CLEC16A: variants seen among roughly 807,000 people sequenced by gnomAD.
The protein encoded by CLEC16A is C-type lectin domain containing 16A.
In CLEC16A, 51 loss-of-function variants were observed where a neutral mutation model predicts 109.5. The observed-to-expected ratio is 0.47, with a 90% confidence interval of 0.37 to 0.59. The LOEUF (loss-of-function observed/expected upper bound fraction) is 0.59. Ranked by LOEUF, CLEC16A falls within the 20% of genes least tolerant of loss-of-function variation. CLEC16A has a pLI of 0.00. For synonymous variants in CLEC16A, 673 were observed against 564.2 expected (o/e 1.19, Z -2.73); for missense variants, 1,339 against 1,394.0 (o/e 0.96, Z 0.63).
intron 7 of CLEC16A, among the ~76,000 whole-genome samples, chr16:10,976,702 G>GC (rs958117767): frequency 4.6e-5 from 7 of 152,138 alleles, no homozygotes; most frequent in African/African-American, 1.7e-4. Flanking sequence ...TTACCCCCTG[G>GC]CCCCCCATCC....
Position 11,078,432 on chromosome 16 carries a change from T to C in CLEC16A, c.2116+17410T>C, listed in dbSNP as rs528505950. ...CTTTGCTGCTTTCCATGAATTCTAG[T>C]TCCCTCTAGGAACTCTCCTTGCCCA... On this transcript the variant is annotated intron_variant, in intron 19 of 23. Transcript: ENST00000409790. 2.0e-5 allele frequency among the ~76,000 whole-genome samples: 3 copies of C among 152,318 alleles called. No homozygotes were observed. The South Asian group carries it at 6.2e-4, about 32-fold the overall frequency.
intron 10 of CLEC16A, among the ~76,000 whole-genome samples, chr16:10,993,853 C>A (rs1285349513): frequency 6.6e-6 from 1 of 152,184 alleles, no homozygotes; most frequent in Non-Finnish European, 1.5e-5. Flanking sequence ...GATTGAATGC[C>A]AGAGACAGTG....
At chr16:10,987,102 C>T (rs189572893) in intron 10 of CLEC16A, among the ~76,000 whole-genome samples, 138 of 151,956 alleles carry the variant, frequency 9.1e-4, no homozygotes, top group African/African-American at 2.8e-3. Context: ...GTGATCTGCC[C>T]GTCTTAGCCT....
chr16:10,952,091 G>A (rs1363521644), intron 1 of CLEC16A, among the ~76,000 whole-genome samples: 8 of 152,210 alleles, frequency 5.3e-5, no homozygotes, highest in Admixed American at 5.2e-4. Flanking sequence ...GAAATAGATT[G>A]CAACTCCAGC....
Position 11,093,328 on chromosome 16 carries a change from C to T in CLEC16A, c.2117-27287C>T, listed in dbSNP as rs995738974. Among the ~76,000 whole-genome samples the T allele has an allele frequency of 3.9e-5, 6 of 152,186 alleles. No homozygotes were observed. The East Asian group carries it at 5.8e-4, about 15-fold the overall frequency. On this transcript the variant is annotated intron_variant, in intron 19 of 23. Coordinates refer to ENST00000409790, the MANE Select transcript of CLEC16A (RefSeq NM_015226.3). The stretch of plus-strand genomic sequence containing the variant: ...CAAAGCCACTTTTCCTCAGCCAGTG[C>T]GGTTACCGTGGCCATACTCGTCCCA...
intron 13 of CLEC16A, among the ~76,000 whole-genome samples, chr16:11,029,833 C>G (rs1403810441): frequency 6.6e-6 from 1 of 152,186 alleles, no homozygotes; most frequent in Non-Finnish European, 1.5e-5. Context: ...TCACCATGAT[C>G]AAGGCAGTGT....
chr16:10,972,596 C>G, intron 6 of CLEC16A, 37 bp downstream of exon 6: 2 of 1,572,060 alleles, frequency 1.3e-6, no homozygotes, highest in East Asian at 2.2e-5. Context: ...CTTTCTTAAT[C>G]TACCCTTATA....
In CLEC16A at chr16:10,954,882, GTAA is replaced by G. The variant is rs1417989266; in HGVS notation, c.81-2895_81-2893del. Among the ~76,000 whole-genome samples, 1 of 152,170 alleles carries G rather than the reference GTAA, an allele frequency of 6.6e-6. No individual in the cohort carries two copies. The highest frequency in any genetic ancestry group is 1.5e-5 in the Non-Finnish European group (1 of 68,042). ...CCTGGAATATTCCTTAGATAATGTA[GTAA>G]TAATGTGAATAACGGCCCCCACCAC... On this transcript the variant is annotated intron_variant, in intron 1 of 23. Transcript: ENST00000409790. The surrounding 1 kb of genome is among the most constrained non-coding windows in gnomAD (Gnocchi z 4.2).
intron 18 of CLEC16A, among the ~76,000 whole-genome samples, chr16:11,060,128 A>T (rs1235570251): frequency 1.3e-5 from 2 of 152,174 alleles, no homozygotes. Flanking sequence ...GTGGCCACAC[A>T]ATTCTGACCA....
chr16:11,047,435 G>C (rs1315586048), intron 17 of CLEC16A, 93 bp downstream of exon 17: 1 of 937,444 alleles, frequency 1.1e-6, no homozygotes, highest in Non-Finnish European at 1.5e-6. Context: ...TTTTGACTTA[G>C]GGCTTTGTGA....
intron 19 of CLEC16A, among the ~76,000 whole-genome samples, chr16:11,100,694 G>A (rs1236387925): frequency 6.6e-6 from 1 of 152,130 alleles, no homozygotes; most frequent in Non-Finnish European, 1.5e-5. Flanking sequence ...GCAGATAATG[G>A]TACTGCCTGG....
At chr16:10,950,351 C>T (rs552109723) in intron 1 of CLEC16A, among the ~76,000 whole-genome samples, 1 of 152,170 alleles carries the variant, frequency 6.6e-6, no homozygotes, top group Non-Finnish European at 1.5e-5. Flanking sequence ...ACAGGATGAA[C>T]GAGAGGCAGA....
intron 11 of CLEC16A, 77 bp from the exon 12 acceptor site, chr16:11,020,116 C>G (rs1052089557): frequency 4.0e-6 from 6 of 1,489,196 alleles, no homozygotes; most frequent in Admixed American, 2.2e-5. Flanking sequence ...CATATTTATT[C>G]TCCAACATGA....
chr16:10,974,396 T>A (rs1006404585), intron 7 of CLEC16A, among the ~76,000 whole-genome samples: 5 of 152,210 alleles, frequency 3.3e-5, no homozygotes, highest in African/African-American at 1.2e-4. Flanking sequence ...AAAGGGATGA[T>A]TAGAAGTTCC....
At chr16:11,077,043 T>C (rs1302985572) in intron 19 of CLEC16A, among the ~76,000 whole-genome samples, 1 of 152,208 alleles carries the variant, frequency 6.6e-6, no homozygotes, top group Non-Finnish European at 1.5e-5. Flanking sequence ...CATTAGAATC[T>C]ATTTAAAAAC....
At chr16:11,082,483 T>G (rs1206814369) in intron 19 of CLEC16A, among the ~76,000 whole-genome samples, 1 of 152,166 alleles carries the variant, frequency 6.6e-6, no homozygotes, top group Non-Finnish European at 1.5e-5. Flanking sequence ...AGGAACTCTT[T>G]TGGGTTAAAA....
intron 10 of CLEC16A, among the ~76,000 whole-genome samples, chr16:10,983,944 T>C (rs978160572): frequency 2.7e-5 from 4 of 146,632 alleles, no homozygotes; most frequent in African/African-American, 1.0e-4. Flanking sequence ...ATCTCACTTA[T>C]GCGGAGCCCA....
chr16:11,019,960 G>T (rs1222147937), intron 11 of CLEC16A, among the ~76,000 whole-genome samples: 1 of 152,168 alleles, frequency 6.6e-6, no homozygotes, highest in Non-Finnish European at 1.5e-5. Flanking sequence ...GTGTTTTGTT[G>T]TCAAAGACAG....
intron 18 of CLEC16A, among the ~76,000 whole-genome samples, chr16:11,060,647 C>T (rs1054656202): frequency 1.3e-5 from 2 of 152,006 alleles, no homozygotes; most frequent in Admixed American, 6.6e-5. Context: ...TGGCAGATGA[C>T]GGGTGCTCAG....
Sources: allele counts gnomAD v4.1 joint callset (sites outside exome capture counted in the v4.1 genomes callset), GRCh38; gene constraint gnomAD v4.1.1; non-coding constraint Gnocchi (gnomAD v3.1); transcripts MANE v1.5; gene names NCBI Gene and HGNC (gene_info 2026-07-23, HGNC 2026-07-21).